Variants in EML1 observed in about 807,000 individuals in gnomAD.
The protein encoded by EML1 is echinoderm microtubule-associated protein-like 1.
In EML1, 27 loss-of-function variants were observed where a neutral mutation model predicts 110.4. That is an observed-to-expected ratio of 0.24 (90% CI 0.18 to 0.34). The LOEUF (loss-of-function observed/expected upper bound fraction) is 0.34, where lower values mean the gene tolerates loss of function less well. Among genes scored for constraint, EML1 ranks in the 10% least tolerant of loss-of-function variants. The probability of loss-of-function intolerance (pLI) is 1.00; values close to 1 mark genes in which losing one functional copy is unlikely to be tolerated. For missense variants in EML1, 741 were observed against 1,030.9 expected, an observed-to-expected ratio of 0.72 and a Z score of 3.85; for synonymous variants, 344 against 385.8, an observed-to-expected ratio of 0.89 and a Z score of 1.27.
At chr14:99,768,765 T>C (rs563109115), upstream of EML1, among the ~76,000 whole-genome samples, 3 of 151,554 alleles carry the variant, frequency 2.0e-5, no homozygotes, top group Admixed American at 2.0e-4. Flanking sequence ...GTCATCAGGC[T>C]GGAGGGCAGT....
intron 17 of EML1, among the ~76,000 whole-genome samples, chr14:99,924,180 G>GA (rs2060191802): frequency 6.6e-6 from 1 of 151,740 alleles, no homozygotes; most frequent in African/African-American, 2.4e-5. Flanking sequence ...CAAAATAAGT[G>GA]TTTTTTTTAT....
intron 1 of EML1, among the ~76,000 whole-genome samples, chr14:99,759,549 G>A (rs2057291653): frequency 6.6e-6 from 1 of 152,190 alleles, no homozygotes; most frequent in Admixed American, 6.5e-5. Context: ...CCATATGTGT[G>A]AGCACTTCAG....
At chr14:99,739,239 G>C (rs946153772) in intron 1 of EML1, among the ~76,000 whole-genome samples, 1 of 151,846 alleles carries the variant, frequency 6.6e-6, no homozygotes, top group African/African-American at 2.4e-5. Flanking sequence ...GAAATTGCCC[G>C]CCGGGGCTGC....
Position 99,878,739 on chromosome 14 carries a change from G to C in EML1, c.518+120G>C, listed in dbSNP as rs749515690. The C allele has an allele frequency of 9.4e-6, 13 of 1,376,972 alleles. No individual in the cohort carries two copies. In the African/African-American group the frequency reaches 1.9e-4, roughly 20 times the overall value. The allele number at this position is 1,376,972 out of a possible 1,614,324, so 85.3% of individuals were successfully genotyped here. The stretch of plus-strand genomic sequence containing the variant: ...AGCTGGGAGTACTCTTGGAGAAGAA[G>C]ACCTTCTCCTCAGGTATTTATAGGA... On this transcript the variant is annotated intron_variant, in intron 4 of 21. Transcript: ENST00000262233.
chr14:99,924,412 C>G (rs1196424563), intron 17 of EML1, among the ~76,000 whole-genome samples: 1 of 152,146 alleles, frequency 6.6e-6, no homozygotes, highest in African/African-American at 2.4e-5. Flanking sequence ...GCTAAGTGTA[C>G]TATGTTTCTT....
intron 15 of EML1, among the ~76,000 whole-genome samples, chr14:99,916,186 T>C (rs1403239603): frequency 6.6e-6 from 1 of 152,254 alleles, no homozygotes; most frequent in African/African-American, 2.4e-5. Context: ...AATGAAGTTC[T>C]AGCTCCTCTG....
At chr14:99,885,757 AAGG>A (rs1310949353) in intron 4 of EML1, 6 of 365,982 alleles carry the variant, frequency 1.6e-5, no homozygotes, top group Admixed American at 1.4e-4. Context: ...TTTGCAGTGA[AAGG>A]AGGAGGAAGA....
At chr14:99,776,363 G>T (rs1193249574) in intron 1 of EML1, among the ~76,000 whole-genome samples, 1 of 152,124 alleles carries the variant, frequency 6.6e-6, no homozygotes, top group Admixed American at 6.5e-5. Context: ...AATTAGCAGG[G>T]TGTGGTGGTG....
intron 1 of EML1, among the ~76,000 whole-genome samples, chr14:99,816,811 T>G (rs1296945257): frequency 1.3e-5 from 2 of 152,212 alleles, no homozygotes; most frequent in Non-Finnish European, 2.9e-5. Context: ...ATCTTCCTAC[T>G]CCATGTCCTT....
chr14:99,917,903 G>T (rs1254312491), intron 16 of EML1, 54 bp downstream of exon 16: 55 of 1,571,184 alleles, frequency 3.5e-5, no homozygotes, highest in Non-Finnish European at 4.7e-5. Context: ...AAAGAGGCCT[G>T]TTGTTTCTAT....
chr14:99,756,109 T>C (rs1241126671), intron 1 of EML1, among the ~76,000 whole-genome samples: 1 of 152,138 alleles, frequency 6.6e-6, no homozygotes, highest in East Asian at 1.9e-4. Flanking sequence ...GAAGGGGAGT[T>C]GTGCTGGGTG....
chr14:99,893,391 AG>A, intron 5 of EML1, among the ~76,000 whole-genome samples: 1 of 152,252 alleles, frequency 6.6e-6, no homozygotes, highest in South Asian at 2.1e-4. Context: ...AGACATTGTA[AG>A]GGGAGGATCC....
upstream of EML1, among the ~76,000 whole-genome samples, chr14:99,790,715 C>T (rs955094391): frequency 2.0e-5 from 3 of 152,210 alleles, no homozygotes; most frequent in East Asian, 3.9e-4. Flanking sequence ...CTTTGAAAGC[C>T]GCTTCTCCAT....
chr14:99,930,084 A>T (rs1208586213), intron 17 of EML1, among the ~76,000 whole-genome samples: 1 of 152,094 alleles, frequency 6.6e-6, no homozygotes, highest in Non-Finnish European at 1.5e-5. Flanking sequence ...GTGGACACTG[A>T]CCCTTTGCCA....
intron 19 of EML1, among the ~76,000 whole-genome samples, chr14:99,937,056 T>G (rs1212001243): frequency 2.0e-5 from 3 of 152,150 alleles, no homozygotes; most frequent in Non-Finnish European, 2.9e-5. Flanking sequence ...GGCCGCATGA[T>G]GCAGGGAAGG....
chr14:99,877,133 A>G (rs2059305770), intron 3 of EML1, among the ~76,000 whole-genome samples: 1 of 152,084 alleles, frequency 6.6e-6, no homozygotes, highest in Non-Finnish European at 1.5e-5. Flanking sequence ...GGGGGCCAGC[A>G]TGGTCAGGTT....
intron 1 of EML1, among the ~76,000 whole-genome samples, chr14:99,794,516 G>A (rs1396030359): frequency 2.0e-5 from 3 of 152,134 alleles, no homozygotes; most frequent in Non-Finnish European, 4.4e-5. Context: ...TGTGATTTAG[G>A]GAAAGTTTTC....
At chr14:99,824,287 C>T (rs2058314753) in intron 1 of EML1, among the ~76,000 whole-genome samples, 1 of 152,208 alleles carries the variant, frequency 6.6e-6, no homozygotes, top group African/African-American at 2.4e-5. Context: ...TCCTCATTCT[C>T]CTCTATGTGC....
At chr14:99,767,035 C>A (rs543580740) in intron 1 of EML1, among the ~76,000 whole-genome samples, 1 of 152,190 alleles carries the variant, frequency 6.6e-6, no homozygotes, top group Non-Finnish European at 1.5e-5. Flanking sequence ...AATTCCCCCA[C>A]CGCATAATAT....
Sources: allele counts gnomAD v4.1 joint callset (sites outside exome capture counted in the v4.1 genomes callset), GRCh38; gene constraint gnomAD v4.1.1; transcripts MANE v1.5; gene names NCBI Gene and HGNC (gene_info 2026-07-23, HGNC 2026-07-21).